MAP2K5: variants seen among roughly 807,000 people sequenced by gnomAD.
MAP2K5 encodes the protein mitogen-activated protein kinase kinase 5, also known as dual specificity mitogen-activated protein kinase kinase 5.
MAP2K5 carries 49 observed loss-of-function variants against 83.1 expected under a neutral mutation model. The observed-to-expected ratio is 0.59, with a 90% confidence interval of 0.47 to 0.75. The LOEUF (loss-of-function observed/expected upper bound fraction) is 0.75. Ranked by LOEUF, MAP2K5 falls within the 30% of genes least tolerant of loss-of-function variation. MAP2K5 has a pLI of 0.00. For missense variants in MAP2K5, 457 were observed against 557.5 expected (o/e 0.82, Z 1.82); for synonymous variants, 202 against 191.8 (o/e 1.05, Z -0.44).
In MAP2K5 at chr15:67,693,569, G is replaced by T. The variant is rs1050207953; in HGVS notation, c.972+1G>T. ...TGTTGGAACAAATGCTTATATGGCG[G>T]TAAGTAAACTTATGCAAAAATAATG... On this transcript the variant is annotated splice_donor_variant, in intron 15 of 21. Transcript: ENST00000178640. LOFTEE classifies it high-confidence loss of function. The T allele has an allele frequency of 6.2e-7, 1 of 1,608,694 alleles. No individual in the cohort carries two copies. The highest frequency in any genetic ancestry group is 8.5e-7 in the Non-Finnish European group (1 of 1,176,092).
rs534710312 is a variant in MAP2K5 at position 67,636,543 on chromosome 15, CT to C, written c.585+5624del. Among the ~76,000 whole-genome samples the C allele has an allele frequency of 1.4e-4, 21 of 151,470 alleles. No individual in the cohort carries two copies. Among genetic ancestry groups the C allele is most frequent in the Admixed American group, 2.6e-4 (4 of 15,196 alleles). ...TCCTCACTTTGGGTTGTATTTTTCA[CT>C]TTTTTTTCATATCTTATAATTTTTT... On this transcript the variant is annotated intron_variant, in intron 9 of 21. Coordinates refer to ENST00000178640, the MANE Select transcript of MAP2K5 (RefSeq NM_145160.3). This position sits in a 1 kb window ranked among gnomAD's most constrained non-coding sequence, Gnocchi z 4.7.
At chr15:67,789,968 G>T (rs988016472) in intron 21 of MAP2K5, among the ~76,000 whole-genome samples, 1 of 152,092 alleles carries the variant, frequency 6.6e-6, no homozygotes, top group Admixed American at 6.5e-5. Flanking sequence ...AGTGTCCTTT[G>T]GGCAGCTTTT....
At chr15:67,697,964 C>T (rs2088308629) in intron 15 of MAP2K5, among the ~76,000 whole-genome samples, 1 of 152,082 alleles carries the variant, frequency 6.6e-6, no homozygotes, top group Non-Finnish European at 1.5e-5. Context: ...TCATCTTGAT[C>T]CAACCTCCCC....
chr15:67,786,706 T>C lies in MAP2K5; in HGVS notation c.1242+13954T>C, dbSNP rs1276404957. ...CCTCCCTCTCCCTTCCTCTCCTAGC[T>C]GTCCATCCTGCAACATGTTACTGAA... On this transcript the variant is annotated intron_variant, in intron 21 of 21. Transcript: ENST00000178640. This position sits in a 1 kb window ranked among gnomAD's most constrained non-coding sequence, Gnocchi z 4.7. Among the ~76,000 whole-genome samples the C allele has an allele frequency of 6.6e-6, 1 of 152,228 alleles. No individual in the cohort carries two copies. The highest frequency in any genetic ancestry group is 1.5e-5 in the Non-Finnish European group (1 of 68,044).
chr15:67,776,913 C>T (rs2090250277), intron 21 of MAP2K5, among the ~76,000 whole-genome samples: 1 of 152,208 alleles, frequency 6.6e-6, no homozygotes, highest in Admixed American at 6.5e-5. Flanking sequence ...ACCGAGGGGG[C>T]AGCCCTTGAC....
chr15:67,553,919 C>CAAAAAA (rs71142378), intron 2 of MAP2K5, among the ~76,000 whole-genome samples: 57 of 79,992 alleles, frequency 7.1e-4, no homozygotes, highest in Admixed American at 1.2e-3. Flanking sequence ...GACTCCATCT[C>CAAAAAA]AAAAAAAAAA....
chr15:67,563,232 T>G lies in MAP2K5; in HGVS notation c.185-51T>G. On this transcript the variant is annotated intron_variant, in intron 2 of 21. Transcript: ENST00000178640. This position sits in a 1 kb window ranked among gnomAD's most constrained non-coding sequence, Gnocchi z 4.5. ...AACCGTTTATATTATGTTCCCTTTG[T>G]GCATTAAACAAATGCACACCTTATC... is the stretch of plus-strand genomic sequence containing the variant. 1.3e-6 allele frequency: 2 copies of G among 1,585,636 alleles called. No homozygotes were observed. Among genetic ancestry groups the G allele is most frequent in the East Asian group, 2.3e-5 (1 of 44,328 alleles).
intron 11 of MAP2K5, among the ~76,000 whole-genome samples, chr15:67,647,468 AGGGCACGGTGG>A (rs2086853810): frequency 6.6e-6 from 1 of 152,190 alleles, no homozygotes. Flanking sequence ...TTGTTGAAAC[AGGGCACGGTGG>A]TTCACGCATG....
chr15:67,599,886 T>C (rs1198786427), intron 7 of MAP2K5, among the ~76,000 whole-genome samples: 1 of 152,162 alleles, frequency 6.6e-6, no homozygotes, highest in Non-Finnish European at 1.5e-5. Context: ...TATAGGGAGC[T>C]CTCTAAACTC....
intron 8 of MAP2K5, among the ~76,000 whole-genome samples, chr15:67,606,053 A>G (rs1175800217): frequency 6.6e-6 from 1 of 152,226 alleles, no homozygotes. Context: ...AAATAAAAGT[A>G]ATTAACAGGC....
chr15:67,641,455 G>C (rs2086709004), intron 9 of MAP2K5: 1 of 999,472 alleles, frequency 1.0e-6, no homozygotes, highest in Non-Finnish European at 1.2e-6. Flanking sequence ...TGAAGTGTGT[G>C]CCACTCCAGC....
Position 67,586,064 on chromosome 15 carries a change from G to T in MAP2K5, c.363+134G>T, listed in dbSNP as rs957792316. 7.8e-6 allele frequency: 6 copies of T among 770,328 alleles called. No individual in the cohort carries two copies. The African/African-American group carries it at 1.0e-4, about 13-fold the overall frequency. The allele number at this position is 770,328 out of a possible 1,614,324, so 47.7% of individuals were successfully genotyped here. A position where few individuals can be genotyped will look rare whatever the true frequency, so the allele number is the denominator to read the frequency against. On this transcript the variant is annotated intron_variant, in intron 5 of 21. Coordinates refer to ENST00000178640, the MANE Select transcript of MAP2K5 (RefSeq NM_145160.3). ...TCCTTTTATTTTTTTTAAATGGGAG[G>T]TGGAGGGGGATTCATCTGTAGTATT...
At chr15:67,658,444 A>G (rs2141140717) in intron 11 of MAP2K5, 109 bp from the exon 12 acceptor site, 3 of 806,642 alleles carry the variant, frequency 3.7e-6, no homozygotes, top group Non-Finnish European at 4.2e-6. Context: ...CATCCAATGC[A>G]TGCTGTAGGA....
In MAP2K5 at chr15:67,727,922, C is replaced by G. The variant is rs1040507273; in HGVS notation, c.1051C>G (p.Leu351Val). 2 of 1,611,680 alleles carry G rather than the reference C, an allele frequency of 1.2e-6. No individual in the cohort carries two copies. Among genetic ancestry groups the G allele is most frequent in the Admixed American group, 3.3e-5 (2 of 60,002 alleles). ...SLGISFMELA[L>V]GRFPYPQIQK... ...ATATTATTTCCTTTCCCAGCTTGCTCTTGGGAGGTTTCCATATCCTCAGGT... is the reference window on the plus strand; with the variant it reads ...ATATTATTTCCTTTCCCAGCTTGCTGTTGGGAGGTTTCCATATCCTCAGGT... The change falls in exon 17 of 22, where the codon CTT (leucine) becomes GTT (valine). Residue 351 changes from leucine (L) to valine (V), a missense_variant. By Grantham distance (32) the Leu-to-Val change is conservative (BLOSUM62 1). Coordinates refer to ENST00000178640, the MANE Select transcript of MAP2K5 (RefSeq NM_145160.3).
chr15:67,672,672 C>T lies in MAP2K5; in HGVS notation c.847+8027C>T, dbSNP rs946618919. On this transcript the variant is annotated intron_variant, in intron 13 of 21. Coordinates refer to ENST00000178640, the MANE Select transcript of MAP2K5 (RefSeq NM_145160.3). ...CAGAAGCTCTTTAGTTTAATTAGATCCCATTTGTCAATTTTGGCTTTTGTT... is the reference window on the plus strand; with the variant it reads ...CAGAAGCTCTTTAGTTTAATTAGATTCCATTTGTCAATTTTGGCTTTTGTT... Among the ~76,000 whole-genome samples, 19 of 147,132 alleles carry T rather than the reference C, an allele frequency of 1.3e-4. No homozygotes were observed. The South Asian group carries it at 3.8e-3, about 30-fold the overall frequency.
At chr15:67,731,272 G>GGTGACACAGTGTGTACCCA (rs1191250415) in intron 17 of MAP2K5, among the ~76,000 whole-genome samples, 1 of 152,136 alleles carries the variant, frequency 6.6e-6, no homozygotes, top group African/African-American at 2.4e-5. Context: ...TCTTCCTGCT[G>GGTGACACAGTGTGTACCCA]GTGACACAGT....
chr15:67,751,051 G>A (rs2089707559), intron 19 of MAP2K5, among the ~76,000 whole-genome samples: 1 of 152,074 alleles, frequency 6.6e-6, no homozygotes, highest in Non-Finnish European at 1.5e-5. Flanking sequence ...AAAGAGTGAA[G>A]ATGTAGTAAA....
Position 67,736,836 on chromosome 15 carries a change from C to T in MAP2K5, c.1074+8891C>T, listed in dbSNP as rs1346834192. On this transcript the variant is annotated intron_variant, in intron 17 of 21. Coordinates refer to ENST00000178640, the MANE Select transcript of MAP2K5 (RefSeq NM_145160.3). This position sits in a 1 kb window ranked among gnomAD's most constrained non-coding sequence, Gnocchi z 4.3. Reference sequence around the variant, plus strand: ...AAGCTCTGCGGTCCACTAGGCCTTCCACTTCTCTCCCTTTGCTTTTATTGA... The same window carrying T: ...AAGCTCTGCGGTCCACTAGGCCTTCTACTTCTCTCCCTTTGCTTTTATTGA... Among the ~76,000 whole-genome samples the T allele has an allele frequency of 6.6e-6, 1 of 152,170 alleles. No homozygotes were observed. Among genetic ancestry groups the T allele is most frequent in the African/African-American group, 2.4e-5 (1 of 41,438 alleles).
chr15:67,661,968 C>A (rs4776959), intron 12 of MAP2K5, among the ~76,000 whole-genome samples: 149,527 of 152,236 alleles, frequency 0.98, 73,500 homozygotes, highest in Middle Eastern at 1. Context: ...CTGTGATAAA[C>A]TTATCATTAT....
Sources: allele counts gnomAD v4.1 joint callset (sites outside exome capture counted in the v4.1 genomes callset), GRCh38; gene constraint gnomAD v4.1.1; non-coding constraint Gnocchi (gnomAD v3.1); transcripts MANE v1.5; gene names NCBI Gene and HGNC (gene_info 2026-07-23, HGNC 2026-07-21).